GALNT2: variants seen among roughly 807,000 people sequenced by gnomAD.
GALNT2 encodes the protein UDP-GalNAc:polypeptide N-acetylgalactosaminyltransferase 2.
Under a neutral mutation model 81.4 loss-of-function variants are expected in GALNT2, and 31 were observed. The ratio of observed to expected loss-of-function variants is 0.38; its 90% CI spans 0.29 to 0.51. GALNT2 has a LOEUF of 0.51. GALNT2 is among the 20% of genes least tolerant of loss of function. The pLI is 0.87. For missense variants in GALNT2, 629 were observed against 765.7 expected, an observed-to-expected ratio of 0.82 and a Z score of 2.11; for synonymous variants, 303 against 287.4, an observed-to-expected ratio of 1.05 and a Z score of -0.55.
At chr1:230,218,937 C>T (rs911951778) in intron 3 of GALNT2, among the ~76,000 whole-genome samples, 1 of 152,226 alleles carries the variant, frequency 6.6e-6, no homozygotes, top group African/African-American at 2.4e-5. Flanking sequence ...GCATTAGATT[C>T]TCATAGGAGC....
chr1:230,212,726 A>G (rs557240148), intron 3 of GALNT2, among the ~76,000 whole-genome samples: 73 of 152,330 alleles, frequency 4.8e-4, no homozygotes, highest in Non-Finnish European at 3.5e-4. Flanking sequence ...TTCACACCAA[A>G]GCCATGTCAT....
intron 2 of GALNT2, among the ~76,000 whole-genome samples, chr1:230,198,729 G>A (rs755598379): frequency 3.4e-4 from 52 of 152,160 alleles, no homozygotes; most frequent in Non-Finnish European, 1.5e-5. Context: ...CATTTTTACT[G>A]AATCAGGGGT....
At chr1:230,116,135 A>T (rs1251738854) in intron 1 of GALNT2, among the ~76,000 whole-genome samples, 1 of 152,194 alleles carries the variant, frequency 6.6e-6, no homozygotes, top group Non-Finnish European at 1.5e-5. Flanking sequence ...CTTAATGGCA[A>T]CTGTAAGGGT....
chr1:230,102,172 C>A (rs142508672), intron 1 of GALNT2, among the ~76,000 whole-genome samples: 1 of 152,194 alleles, frequency 6.6e-6, no homozygotes, highest in Non-Finnish European at 1.5e-5. Flanking sequence ...TTTTTCCCTC[C>A]TGAAAAACAA....
Position 230,243,514 on chromosome 1 carries a change from C to T in GALNT2, c.729+87C>T, listed in dbSNP as rs538749756. On this transcript the variant is annotated intron_variant, in intron 7 of 15. Transcript: ENST00000366672. The surrounding 1 kb of genome is among the most constrained non-coding windows in gnomAD (Gnocchi z 4.2). ...GGAGCATGGTCCAGGGGAGGTGTAA[C>T]GCAGGGAGTAGGGCGTCAGGGCTGG... The T allele has an allele frequency of 3.2e-5, 49 of 1,516,752 alleles. No homozygotes were observed. The African/African-American group carries it at 5.6e-4, about 17-fold the overall frequency. 94.0% of individuals were successfully genotyped at this position (1,516,752 alleles called of 1,614,324 possible).
At chr1:230,088,998 G>A (rs1447967054) in intron 1 of GALNT2, among the ~76,000 whole-genome samples, 1 of 152,068 alleles carries the variant, frequency 6.6e-6, no homozygotes, top group Non-Finnish European at 1.5e-5. Flanking sequence ...ATTGACTCAA[G>A]CACTGTGTGT....
chr1:230,134,735 C>T (rs923561798), intron 1 of GALNT2, among the ~76,000 whole-genome samples: 16 of 152,074 alleles, frequency 1.1e-4, no homozygotes, highest in African/African-American at 3.4e-4. Flanking sequence ...AGGAGCTGGG[C>T]GTGGGGTGAT....
intron 10 of GALNT2, among the ~76,000 whole-genome samples, chr1:230,251,800 A>G (rs890573619): frequency 1.3e-5 from 2 of 152,168 alleles, no homozygotes; most frequent in East Asian, 1.9e-4. Context: ...AGAAGTTTGC[A>G]TACTATTAGC....
rs1373479553 is a variant in GALNT2, at chr1:230,073,362, A to G, written c.126+5956A>G. ...CTCCCACCTTTCTCTATTGTAAACC[A>G]TGGAAATAAAAGGGGCTCAAGACAC... On this transcript the variant is annotated intron_variant, in intron 1 of 15. Coordinates refer to ENST00000366672, the MANE Select transcript of GALNT2 (RefSeq NM_004481.5). Among the ~76,000 whole-genome samples, 3 of 152,152 alleles carry G rather than the reference A, an allele frequency of 2.0e-5. No homozygotes were observed. In the East Asian group the frequency reaches 5.8e-4, roughly 29 times the overall value.
chr1:230,255,167 G>C, intron 10 of GALNT2, 51 bp from the exon 11 acceptor site: 3 of 1,613,378 alleles, frequency 1.9e-6, no homozygotes, highest in Non-Finnish European at 2.5e-6. Context: ...TGCTGTTGCA[G>C]AGGTGCGTCC....
chr1:230,155,299 T>C (rs1433195740), intron 1 of GALNT2, among the ~76,000 whole-genome samples: 2 of 152,194 alleles, frequency 1.3e-5, no homozygotes, highest in African/African-American at 4.8e-5. Context: ...GTTGGCTGCC[T>C]AGGGCTCCCT....
At chr1:230,120,710 G>T (rs1217393452) in intron 1 of GALNT2, among the ~76,000 whole-genome samples, 1 of 152,116 alleles carries the variant, frequency 6.6e-6, no homozygotes, top group Admixed American at 6.5e-5. Flanking sequence ...CCTCTCCCCA[G>T]GCTGCTTGGG....
At chr1:230,072,193 G>C (rs540911689) in intron 1 of GALNT2, among the ~76,000 whole-genome samples, 14 of 152,254 alleles carry the variant, frequency 9.2e-5, no homozygotes, top group African/African-American at 3.4e-4. Context: ...TTGGGTTGGG[G>C]AAGACATAAT....
intron 11 of GALNT2, chr1:230,259,021 A>G (rs1282412984): frequency 6.6e-6 from 1 of 152,256 alleles, no homozygotes; most frequent in Non-Finnish European, 1.5e-5. Flanking sequence ...TTGGGGCAGC[A>G]TGGATCTGAT....
chr1:230,196,647 A>G (rs1253661944), intron 2 of GALNT2, among the ~76,000 whole-genome samples: 1 of 152,160 alleles, frequency 6.6e-6, no homozygotes, highest in Non-Finnish European at 1.5e-5. Context: ...CTGGGGACAC[A>G]GGCTTCTGCA....
At chr1:230,126,278 C>T (rs926495799) in intron 1 of GALNT2, among the ~76,000 whole-genome samples, 5 of 152,236 alleles carry the variant, frequency 3.3e-5, no homozygotes, top group Admixed American at 2.0e-4. Context: ...CAGGCAGGGC[C>T]AGTTCGGCGG....
At chr1:230,255,066 G>A (rs761785224) in intron 10 of GALNT2, 152 bp from the exon 11 acceptor site, 2 of 1,038,522 alleles carry the variant, frequency 1.9e-6, no homozygotes, top group Non-Finnish European at 2.9e-6. Context: ...CTGGAAGGAG[G>A]AAGGTCCTTA....
chr1:230,209,994 C>A (rs1356156514), intron 3 of GALNT2, among the ~76,000 whole-genome samples: 2 of 152,190 alleles, frequency 1.3e-5, no homozygotes, highest in Non-Finnish European at 2.9e-5. Context: ...CTCTTAAGCT[C>A]TTCTGAAGCC....
At chr1:230,194,477 G>A (rs948173510) in intron 2 of GALNT2, among the ~76,000 whole-genome samples, 11 of 152,242 alleles carry the variant, frequency 7.2e-5, no homozygotes, top group African/African-American at 2.4e-4. Flanking sequence ...CCCAGAGGCA[G>A]AAGAATTAAC....
Sources: gnomAD v4.1 joint callset for allele counts (sites outside exome capture counted in the v4.1 genomes callset) on GRCh38, gnomAD v4.1.1 for gene constraint, Gnocchi (gnomAD v3.1) non-coding constraint, MANE v1.5 for transcripts, NCBI Gene and HGNC (gene_info 2026-07-23, HGNC 2026-07-21) for gene names.